USP37: variants seen among roughly 807,000 people sequenced by gnomAD.
USP37 encodes the protein ubiquitin carboxyl-terminal hydrolase 37.
Under a neutral mutation model 124.0 loss-of-function variants are expected in USP37, and 27 were observed. The observed-to-expected ratio is 0.22, with a 90% CI of 0.16 to 0.30. The LOEUF (loss-of-function observed/expected upper bound fraction) is 0.30, where lower values mean the gene tolerates loss of function less well. Ranked by LOEUF, USP37 falls within the 10% of genes least tolerant of loss-of-function variation. USP37 has a pLI of 1.00. For missense variants in USP37, 889 were observed against 1,140.4 expected, an observed-to-expected ratio of 0.78 and a Z score of 3.17; for synonymous variants, 365 against 388.0, an observed-to-expected ratio of 0.94 and a Z score of 0.70.
intron 13 of USP37, among the ~76,000 whole-genome samples, chr2:218,497,074 T>G (rs974840276): frequency 2.0e-5 from 3 of 152,190 alleles, no homozygotes; most frequent in African/African-American, 7.2e-5. Flanking sequence ...TTATTTGTTT[T>G]ATTTTTATTT....
chr2:218,557,695 G>A (rs937923577), intron 4 of USP37, among the ~76,000 whole-genome samples: 4 of 145,540 alleles, frequency 2.7e-5, no homozygotes, highest in Admixed American at 7.1e-5. Context: ...TTGGGAGGCC[G>A]AGGCGAGCAG....
chr2:218,528,287 A>G (rs1249220193), intron 10 of USP37: 1 of 151,588 alleles, frequency 6.6e-6, no homozygotes, highest in African/African-American at 2.4e-5. Context: ...TTTTTTTTTA[A>G]TTATATTTTA....
Position 218,451,527 on chromosome 2 carries a change from C to A in USP37, c.*3403G>T, listed in dbSNP as rs1441943127. The A allele has an allele frequency of 3.3e-5, 5 of 151,886 alleles. No individual in the cohort carries two copies. The highest frequency in any genetic ancestry group is 1.2e-4 in the African/African-American group (5 of 41,410). The allele number at this position is 151,886 out of a possible 1,614,324, so 9.4% of individuals were successfully genotyped here. ...AGTAGATCACAAATGAGTTTACAAACTACTTTTTTTTCTCTTTAATTTAGG... is the reference window on the plus strand; with the variant it reads ...AGTAGATCACAAATGAGTTTACAAAATACTTTTTTTTCTCTTTAATTTAGG... On this transcript the variant is annotated 3_prime_UTR_variant, in exon 26 of 26. Transcript: ENST00000258399.
chr2:218,503,600 A>G (rs544671334), intron 11 of USP37, among the ~76,000 whole-genome samples: 1 of 152,314 alleles, frequency 6.6e-6, no homozygotes, highest in East Asian at 1.9e-4. Flanking sequence ...CTATAATCCC[A>G]GCTACTCTGG....
chr2:218,517,329 G>A (rs1399732069), intron 10 of USP37, among the ~76,000 whole-genome samples: 1 of 152,078 alleles, frequency 6.6e-6, no homozygotes, highest in African/African-American at 2.4e-5. Flanking sequence ...ACTTTTTGTT[G>A]CTCTTCATCC....
chr2:218,506,269 AACT>A, intron 11 of USP37, among the ~76,000 whole-genome samples: 1 of 144,556 alleles, frequency 6.9e-6, no homozygotes, highest in Non-Finnish European at 1.5e-5. Flanking sequence ...TTTCTAGTTC[AACT>A]ACTTTCTTTC....
chr2:218,494,902 T>C (rs1232856898), intron 14 of USP37, among the ~76,000 whole-genome samples: 2 of 151,910 alleles, frequency 1.3e-5, no homozygotes, highest in Non-Finnish European at 2.9e-5. Flanking sequence ...ATCTATTTTG[T>C]AAAAGAAAAT....
Position 218,459,922 on chromosome 2 carries a change from C to A in USP37, c.2528-17G>T, listed in dbSNP as rs1266109341. ...TGTTAAACTCTGAAGAATACAAAGA[C>A]AAAATCTTATAAAAGTTCTTGGAAT... On this transcript the variant is annotated splice_polypyrimidine_tract_variant and intron_variant, in intron 22 of 25. Transcript: ENST00000258399. The A allele has an allele frequency of 8.8e-6, 14 of 1,595,904 alleles. No individual in the cohort carries two copies. The highest frequency in any genetic ancestry group is 1.1e-5 in the Non-Finnish European group (13 of 1,165,772).
chr2:218,556,850 C>T (rs1379195833), intron 4 of USP37, among the ~76,000 whole-genome samples: 2 of 151,572 alleles, frequency 1.3e-5, no homozygotes, highest in Non-Finnish European at 2.9e-5. Context: ...AATGATGTCT[C>T]ATTCAGCTGT....
chr2:218,563,409 G>C (rs1446473571), intron 1 of USP37, among the ~76,000 whole-genome samples: 1 of 152,160 alleles, frequency 6.6e-6, no homozygotes, highest in East Asian at 1.9e-4. Flanking sequence ...TTGAAACTAA[G>C]AAGTCAGTGA....
At chr2:218,466,290 G>A in intron 20 of USP37, 114 bp from the exon 21 acceptor site, 1 of 1,183,248 alleles carries the variant, frequency 8.5e-7, no homozygotes, top group Non-Finnish European at 1.2e-6. Context: ...TCTATAATTT[G>A]CTTAGGACAT....
At position 218,495,781 on chromosome 2, in the gene USP37, T is replaced by C; in HGVS notation, c.1451A>G (p.Gln484Arg). ...TTACGCTTTACAAATGATGGAGTGC[T>C]GAACCTCAAACTCCAAATTAGTAAT... ...PVITNLEFEVQHSIICKACGE... is the reference protein window; with the variant it reads ...PVITNLEFEVRHSIICKACGE... Residue 484 changes from glutamine to arginine, a missense_variant, in exon 14 of 26, where the codon CAG becomes CGG. By Grantham distance (43) the Gln-to-Arg change is conservative. Coordinates refer to ENST00000258399, the MANE Select transcript of USP37 (RefSeq NM_020935.3). 6.2e-7 allele frequency: 1 copy of C among 1,612,448 alleles called. No homozygotes were observed. The highest frequency in any genetic ancestry group is 8.5e-7 in the Non-Finnish European group (1 of 1,179,750).
chr2:218,515,244 T>A (rs570618541), intron 10 of USP37, among the ~76,000 whole-genome samples: 1 of 151,724 alleles, frequency 6.6e-6, no homozygotes, highest in African/African-American at 2.4e-5. Context: ...GCCAAGACAA[T>A]CCTAAGCAAA....
At chr2:218,552,911 C>A (rs888868539) in intron 5 of USP37, among the ~76,000 whole-genome samples, 2 of 148,590 alleles carry the variant, frequency 1.3e-5, no homozygotes, top group Non-Finnish European at 3.0e-5. Flanking sequence ...GAGCAAGACT[C>A]CATTTCAAAA....
At chr2:218,559,375 C>T (rs1459841994) in intron 3 of USP37, among the ~76,000 whole-genome samples, 7 of 152,042 alleles carry the variant, frequency 4.6e-5, no homozygotes, top group Non-Finnish European at 8.8e-5. Context: ...GAGTTCCTCC[C>T]AAAACATCAA....
intron 14 of USP37, among the ~76,000 whole-genome samples, chr2:218,489,167 G>C (rs1336198958): frequency 1.3e-5 from 2 of 151,194 alleles, no homozygotes; most frequent in African/African-American, 4.8e-5. Flanking sequence ...AGACCAGCCT[G>C]GCCAACATGG....
chr2:218,522,275 A>G (rs1214631773), intron 10 of USP37, among the ~76,000 whole-genome samples: 1 of 152,042 alleles, frequency 6.6e-6, no homozygotes, highest in African/African-American at 2.4e-5. Flanking sequence ...AAGAAATAGA[A>G]TTTAAGGCTG....
chr2:218,476,553 C>T (rs1234342135), intron 19 of USP37, among the ~76,000 whole-genome samples: 2 of 152,094 alleles, frequency 1.3e-5, no homozygotes, highest in Admixed American at 1.3e-4. Flanking sequence ...CCAGCCTGGG[C>T]AACAGAGCGA....
rs991411167 is a variant in USP37 at position 218,452,159 on chromosome 2, T to C, written c.*2771A>G. On this transcript the variant is annotated 3_prime_UTR_variant, in exon 26 of 26. Transcript: ENST00000258399. ...TTCCAACAAAGATCAAAAGGTTGTA[T>C]CTAGAACTAATTGCCATCAAGTTCC... The C allele has an allele frequency of 6.6e-6, 1 of 152,200 alleles. No homozygotes were observed. The highest frequency in any genetic ancestry group is 6.5e-5 in the Admixed American group (1 of 15,268). 9.4% of individuals were successfully genotyped at this position (152,200 alleles called of 1,614,324 possible). A position where few individuals can be genotyped will look rare whatever the true frequency, so the allele number is the denominator to read the frequency against.
Sources: gnomAD v4.1 joint callset for allele counts (sites outside exome capture counted in the v4.1 genomes callset) on GRCh38, gnomAD v4.1.1 for gene constraint, MANE v1.5 for transcripts, NCBI Gene and HGNC (gene_info 2026-07-23, HGNC 2026-07-21) for gene names.